ACOXL: variants seen among roughly 807,000 people sequenced by gnomAD.
The protein encoded by ACOXL is acyl-CoA oxidase like.
A neutral mutation model predicts 71.9 loss-of-function variants in ACOXL; 70 were observed. The ratio of observed to expected loss-of-function variants is 0.97; its 90% CI spans 0.80 to 1.19. ACOXL has a LOEUF of 1.19. Ranked by LOEUF, ACOXL falls within the 50% of genes most tolerant of loss-of-function variation. The probability of loss-of-function intolerance (pLI) is 0.00; values close to 1 mark genes in which losing one functional copy is unlikely to be tolerated. For synonymous variants in ACOXL, 253 were observed against 281.6 expected, an observed-to-expected ratio of 0.90 and a Z score of 1.02; for missense variants, 703 against 736.3, an observed-to-expected ratio of 0.95 and a Z score of 0.52.
chr2:110,928,323 A>G (rs2060354835), intron 11 of ACOXL, among the ~76,000 whole-genome samples: 2 of 152,174 alleles, frequency 1.3e-5, no homozygotes, highest in Non-Finnish European at 2.9e-5. Context: ...TTGTTTTTTG[A>G]TTGATGTTAC....
At chr2:110,969,123 G>A (rs984439292) in intron 12 of ACOXL, among the ~76,000 whole-genome samples, 1 of 152,136 alleles carries the variant, frequency 6.6e-6, no homozygotes, top group African/African-American at 2.4e-5. Context: ...ATAGAAATGA[G>A]TGAGCATGAA....
At chr2:111,058,658 G>T (rs1484523664) in intron 16 of ACOXL, among the ~76,000 whole-genome samples, 1 of 152,114 alleles carries the variant, frequency 6.6e-6, no homozygotes, top group Non-Finnish European at 1.5e-5. Flanking sequence ...TGGAAAAAAA[G>T]AAACCCACAA....
intron 16 of ACOXL, among the ~76,000 whole-genome samples, chr2:111,058,864 C>T (rs2066669436): frequency 6.6e-6 from 1 of 152,184 alleles, no homozygotes; most frequent in African/African-American, 2.4e-5. Flanking sequence ...GTCAACCAAT[C>T]ACTTCCTCTT....
chr2:110,822,969 C>T (rs1328550938), intron 9 of ACOXL, among the ~76,000 whole-genome samples: 1 of 152,058 alleles, frequency 6.6e-6, no homozygotes, highest in Non-Finnish European at 1.5e-5. Context: ...TAAGATTCAC[C>T]TGGCTGGGTG....
At chr2:110,968,508 A>G in intron 12 of ACOXL, 2 of 1,304,550 alleles carry the variant, frequency 1.5e-6, no homozygotes, top group Non-Finnish European at 1.1e-6. Flanking sequence ...AGTTCTCTCA[A>G]TACACAAAGA....
intron 16 of ACOXL, among the ~76,000 whole-genome samples, chr2:111,073,502 A>G (rs75380663): frequency 0.014 from 2,085 of 152,240 alleles, 66 homozygotes; most frequent in African/African-American, 0.048. Context: ...GACTATTGTG[A>G]TATCTGTTGA....
chr2:110,754,196 C>T (rs913399868), intron 1 of ACOXL, among the ~76,000 whole-genome samples: 6 of 151,734 alleles, frequency 4.0e-5, no homozygotes, highest in Admixed American at 3.3e-4. Flanking sequence ...CCTCATCCTC[C>T]GAAGTAGCTA....
chr2:111,086,260 A>G (rs1451275393), intron 16 of ACOXL, among the ~76,000 whole-genome samples: 1 of 152,190 alleles, frequency 6.6e-6, no homozygotes, highest in East Asian at 1.9e-4. Context: ...ACACAACAAC[A>G]AAAAAGAAAA....
chr2:111,047,127 T>C (rs577080524), intron 15 of ACOXL, among the ~76,000 whole-genome samples: 2 of 152,202 alleles, frequency 1.3e-5, no homozygotes, highest in East Asian at 1.9e-4. Context: ...TGGAGGATGA[T>C]AGTCCCACAG....
At chr2:110,809,940 C>A (rs1213801701) in intron 9 of ACOXL, among the ~76,000 whole-genome samples, 2 of 152,174 alleles carry the variant, frequency 1.3e-5, no homozygotes, top group African/African-American at 4.8e-5. Flanking sequence ...TGCCCCTTCA[C>A]CCAAGCTCTT....
intron 10 of ACOXL, among the ~76,000 whole-genome samples, chr2:110,884,698 C>G (rs1014797700): frequency 1.2e-4 from 19 of 152,018 alleles, no homozygotes; most frequent in African/African-American, 4.6e-4. Flanking sequence ...GATCAAAATT[C>G]CTGAAGTCTA....
At chr2:110,793,941 C>G in intron 4 of ACOXL, 135 bp from the exon 5 acceptor site, 1 of 890,222 alleles carries the variant, frequency 1.1e-6, no homozygotes, top group Non-Finnish European at 1.8e-6. Context: ...CATTCGCTGT[C>G]ATCAGACTGC....
intron 10 of ACOXL, among the ~76,000 whole-genome samples, chr2:110,906,184 T>G (rs62159554): frequency 0.33 from 50,593 of 152,010 alleles, 8,590 homozygotes; most frequent in Middle Eastern, 0.39. Flanking sequence ...AATATTGAGC[T>G]TATGGTGGCC....
At chr2:110,915,336 T>TATATATA (rs1558721442) in intron 11 of ACOXL, among the ~76,000 whole-genome samples, 188 of 130,762 alleles carry the variant, frequency 1.4e-3, no homozygotes, top group African/African-American at 4.6e-3. Context: ...TATATGCATT[T>TATATATA]TATATATATA....
chr2:110,990,028 GA>G (rs2063109025), intron 13 of ACOXL, among the ~76,000 whole-genome samples: 1 of 152,078 alleles, frequency 6.6e-6, no homozygotes, highest in Admixed American at 6.6e-5. Flanking sequence ...CAACAAGAGT[GA>G]AACTTCGTCT....
At chr2:111,079,774 A>G (rs544238232) in intron 16 of ACOXL, among the ~76,000 whole-genome samples, 7 of 150,482 alleles carry the variant, frequency 4.7e-5, no homozygotes, top group Non-Finnish European at 8.8e-5. Context: ...AGTCATCTCT[A>G]TGTTACCCAG....
chr2:111,036,497 G>T (rs138400929), intron 15 of ACOXL, among the ~76,000 whole-genome samples: 4 of 152,338 alleles, frequency 2.6e-5, no homozygotes, highest in African/African-American at 9.6e-5. Flanking sequence ...AATCCCAGTA[G>T]ACCCAGCATC....
At chr2:111,060,884 C>T (rs1348477984) in intron 16 of ACOXL, among the ~76,000 whole-genome samples, 1 of 152,044 alleles carries the variant, frequency 6.6e-6, no homozygotes, top group Non-Finnish European at 1.5e-5. Context: ...AAATAAGAAT[C>T]TCAGTAGATG....
intron 4 of ACOXL, 84 bp from the exon 5 acceptor site, chr2:110,793,992 C>A: frequency 7.3e-7 from 1 of 1,371,490 alleles, no homozygotes; most frequent in Non-Finnish European, 1.0e-6. Flanking sequence ...CCTCTCTCAC[C>A]ACCATTCTTA....
Sources: allele counts gnomAD v4.1 joint callset (sites outside exome capture counted in the v4.1 genomes callset), GRCh38; gene constraint gnomAD v4.1.1; transcripts MANE v1.5; gene names NCBI Gene and HGNC (gene_info 2026-07-23, HGNC 2026-07-21).